TMED3: variants seen among roughly 807,000 people sequenced by gnomAD.
TMED3 encodes transmembrane emp24 domain-containing protein 3.
TMED3 carries 9 observed loss-of-function variants against 15.0 expected under a neutral mutation model. The ratio of observed to expected loss-of-function variants is 0.60; its 90% CI spans 0.36 to 1.04. The LOEUF (loss-of-function observed/expected upper bound fraction) is 1.04, where lower values mean the gene tolerates loss of function less well. Ranked by LOEUF, TMED3 falls within the 50% of genes least tolerant of loss-of-function variation. The pLI, the probability that TMED3 is intolerant of heterozygous loss-of-function variation, is 0.01. For synonymous variants in TMED3, 117 were observed against 121.4 expected, an observed-to-expected ratio of 0.96 and a Z score of 0.24; for missense variants, 267 against 278.9, an observed-to-expected ratio of 0.96 and a Z score of 0.30.
intron 2 of TMED3, among the ~76,000 whole-genome samples, chr15:79,360,384 G>A (rs1365404144): frequency 6.6e-6 from 1 of 152,148 alleles, no homozygotes; most frequent in Non-Finnish European, 1.5e-5. Flanking sequence ...TGTTTAGGTG[G>A]GGAAGCACTC....
rs1420412693 is a variant in TMED3 at position 79,313,361 on chromosome 15, A to G, written c.169-396A>G. Among the ~76,000 whole-genome samples, 28 of 152,112 alleles carry G rather than the reference A, an allele frequency of 1.8e-4. 1 individual carries two copies. The highest frequency in any genetic ancestry group is 1.8e-3 in the Admixed American group (28 of 15,276). ...ATGCTTCAGAATAGTGCAATAGGTA[A>G]ATGTTTAGGCACTGGAACCAAAAGC... On this transcript the variant is annotated intron_variant, in intron 1 of 2. Transcript: ENST00000299705.
intron 2 of TMED3, among the ~76,000 whole-genome samples, chr15:79,359,872 C>T (rs564601231): frequency 3.5e-4 from 54 of 152,232 alleles, no homozygotes; most frequent in African/African-American, 1.2e-3. Flanking sequence ...TTCTTCTGCC[C>T]GTGGGTCTAC....
intron 2 of TMED3, among the ~76,000 whole-genome samples, chr15:79,381,510 G>T (rs1213177804): frequency 6.6e-6 from 1 of 152,218 alleles, no homozygotes; most frequent in Admixed American, 6.5e-5. Context: ...ACTCCTAATT[G>T]TTCCTCTGAA....
intron 2 of TMED3, among the ~76,000 whole-genome samples, chr15:79,356,811 G>C (rs958402122): frequency 1.3e-5 from 2 of 152,148 alleles, no homozygotes; most frequent in Non-Finnish European, 2.9e-5. Context: ...ATTCACTGCA[G>C]CATTATTTAT....
At chr15:79,353,021 T>A (rs1386596236) in intron 2 of TMED3, among the ~76,000 whole-genome samples, 6 of 103,746 alleles carry the variant, frequency 5.8e-5, no homozygotes, top group South Asian at 2.5e-4. Context: ...TTATATAAAA[T>A]ATATATATTT....
At chr15:79,368,618 TAGA>T (rs1722678747) in intron 2 of TMED3, among the ~76,000 whole-genome samples, 1 of 152,162 alleles carries the variant, frequency 6.6e-6, no homozygotes, top group African/African-American at 2.4e-5. Flanking sequence ...AAATCTAATC[TAGA>T]AGGAGAGAAA....
At chr15:79,348,786 T>G (rs528927258) in intron 2 of TMED3, among the ~76,000 whole-genome samples, 3 of 152,304 alleles carry the variant, frequency 2.0e-5, no homozygotes, top group Non-Finnish European at 4.4e-5. Flanking sequence ...CAACAGGGTG[T>G]AAGGGTTCCT....
chr15:79,408,038 C>T (rs1893925044), intron 2 of TMED3, among the ~76,000 whole-genome samples: 1 of 152,132 alleles, frequency 6.6e-6, no homozygotes, highest in Non-Finnish European at 1.5e-5. Flanking sequence ...TTGGAAAGAT[C>T]AAATAAGACA....
chr15:79,332,702 A>G (rs1198793081), intron 2 of TMED3, among the ~76,000 whole-genome samples: 1 of 152,178 alleles, frequency 6.6e-6, no homozygotes, highest in East Asian at 1.9e-4. Flanking sequence ...GCCTCCTTCC[A>G]GGCCCACGGA....
intron 2 of TMED3, among the ~76,000 whole-genome samples, chr15:79,352,902 TAC>T (rs2058897413): frequency 9.9e-6 from 1 of 100,806 alleles, no homozygotes; most frequent in African/African-American, 3.8e-5. Context: ...ATATAAAATA[TAC>T]ATATAATATA....
chr15:79,409,056 G>A (rs894329904), intron 2 of TMED3, among the ~76,000 whole-genome samples: 1 of 152,182 alleles, frequency 6.6e-6, no homozygotes, highest in Non-Finnish European at 1.5e-5. Flanking sequence ...CTTTTCTGAA[G>A]CCTAAAACCT....
At chr15:79,383,020 C>T in intron 2 of TMED3, 2 of 1,535,444 alleles carry the variant, frequency 1.3e-6, no homozygotes, top group South Asian at 1.2e-5. Context: ...CCAGTGTGAT[C>T]ACCATCTGGG....
At chr15:79,327,991 TATA>T (rs2058793388) in intron 2 of TMED3, among the ~76,000 whole-genome samples, 1 of 152,190 alleles carries the variant, frequency 6.6e-6, no homozygotes, top group African/African-American at 2.4e-5. Flanking sequence ...CAAAAGTAAA[TATA>T]ATATAGTTAT....
chr15:79,343,512 A>G (rs2058858598), intron 2 of TMED3, among the ~76,000 whole-genome samples: 1 of 152,164 alleles, frequency 6.6e-6, no homozygotes, highest in African/African-American at 2.4e-5. Context: ...CATACACTGA[A>G]AGATATTTGG....
Position 79,382,992 on chromosome 15 carries a change from A to G in TMED3, c.418-28408A>G, listed in dbSNP as rs188468860. On this transcript the variant is annotated intron_variant, in intron 2 of 2. Coordinates refer to the TMED3 transcript ENST00000424155. ...GGGTCCCAGTGCTTCACCAACACCA[A>G]CGCCACCACTAAGGGTTCCAGTGTG... 200 of 1,535,470 alleles carry G rather than the reference A, an allele frequency of 1.3e-4. No individual in the cohort carries two copies. The African/African-American group carries it at 2.1e-3, about 16-fold the overall frequency.
chr15:79,384,635 A>T (rs1236150037), intron 2 of TMED3: 2 of 152,240 alleles, frequency 1.3e-5, no homozygotes, highest in Non-Finnish European at 2.9e-5. Flanking sequence ...AGGTGATGAG[A>T]TTGTAGGAAG....
At chr15:79,411,559 C>T (rs1029061410) in exon 3 of TMED3, 17 of 697,614 alleles carry the variant, frequency 2.4e-5, no homozygotes, top group Middle Eastern at 3.3e-4. Flanking sequence ...ACAGAAGCTA[C>T]GCTGAAGTGG....
chr15:79,387,063 G>A (rs1226910629), intron 2 of TMED3, among the ~76,000 whole-genome samples: 1 of 151,928 alleles, frequency 6.6e-6, no homozygotes, highest in Non-Finnish European at 1.5e-5. Flanking sequence ...GAGTAGCTGA[G>A]ATGACAGTTG....
Position 79,403,248 on chromosome 15 carries a change from A to G in TMED3, c.418-8152A>G, listed in dbSNP as rs937437792. ...AAAAAAAAAAAAAAAAAAAAAAAAA[A>G]AGACTTGATTTGATACAGGAGGGTC... On this transcript the variant is annotated intron_variant, in intron 2 of 2. Transcript: ENST00000424155. Among the ~76,000 whole-genome samples the G allele has an allele frequency of 9.7e-3, 1,288 of 133,320 alleles. 12 individuals are homozygous for G. Among genetic ancestry groups the G allele is most frequent in the Non-Finnish European group, 0.014 (872 of 62,300 alleles). The allele number at this position is 133,320 out of a possible 152,430, so 87.5% of individuals were successfully genotyped here. A position where few individuals can be genotyped will look rare whatever the true frequency, so the allele number is the denominator to read the frequency against.
Sources: gnomAD v4.1 joint callset for allele counts (sites outside exome capture counted in the v4.1 genomes callset) on GRCh38, gnomAD v4.1.1 for gene constraint, MANE v1.5 for transcripts, NCBI Gene and HGNC (gene_info 2026-07-23, HGNC 2026-07-21) for gene names.